The following SNX29 variants were observed in gnomAD, a reference collection of about 807,000 sequenced individuals.
SNX29 encodes sorting nexin 29.
In SNX29, 78 loss-of-function variants were observed where a neutral mutation model predicts 102.1. That is an observed-to-expected ratio of 0.76 (90% CI 0.64 to 0.92). The LOEUF (loss-of-function observed/expected upper bound fraction) is 0.92. Ranked by LOEUF, SNX29 falls within the 40% of genes least tolerant of loss-of-function variation. The probability of loss-of-function intolerance (pLI) is 0.00; values close to 1 mark genes in which losing one functional copy is unlikely to be tolerated. For synonymous variants in SNX29, 580 were observed against 414.5 expected, an observed-to-expected ratio of 1.40 and a Z score of -4.85; for missense variants, 1,280 against 1,061.7, an observed-to-expected ratio of 1.21 and a Z score of -2.86.
intron 20 of SNX29, among the ~76,000 whole-genome samples, chr16:12,540,789 G>C (rs182304349): frequency 1.3e-5 from 2 of 152,186 alleles, no homozygotes; most frequent in African/African-American, 4.8e-5. Flanking sequence ...AGGTGCTTGA[G>C]GACTGCTCAA....
At chr16:12,012,307 G>C (rs1328443427) in intron 3 of SNX29, among the ~76,000 whole-genome samples, 2 of 150,362 alleles carry the variant, frequency 1.3e-5, no homozygotes, top group Admixed American at 6.7e-5. Context: ...GTGCATGAAT[G>C]AGTGTTGTTT....
chr16:12,441,935 C>T (rs774430106), intron 18 of SNX29, among the ~76,000 whole-genome samples: 1 of 152,128 alleles, frequency 6.6e-6, no homozygotes. Flanking sequence ...ATTAAAGACA[C>T]CTGCCATTAT....
intron 16 of SNX29, among the ~76,000 whole-genome samples, chr16:12,382,270 A>G (rs1456550078): frequency 6.6e-6 from 1 of 152,200 alleles, no homozygotes; most frequent in African/African-American, 2.4e-5. Flanking sequence ...AGCGAAGGTT[A>G]GAGAGGTCAG....
intron 13 of SNX29, among the ~76,000 whole-genome samples, chr16:12,195,394 G>A (rs1184847875): frequency 6.6e-6 from 1 of 152,214 alleles, no homozygotes; most frequent in African/African-American, 2.4e-5. Flanking sequence ...TTTCTTAGAA[G>A]TAGACTTGCT....
At chr16:12,442,730 A>G (rs530318049) in intron 18 of SNX29, among the ~76,000 whole-genome samples, 5 of 152,064 alleles carry the variant, frequency 3.3e-5, no homozygotes, top group East Asian at 1.9e-4. Context: ...AGCTGGGACT[A>G]TAGGCACTTG....
rs141899358 is a variant in SNX29, at chr16:12,526,082, C to T, written c.2318+1241C>T. ...ATCTTACCGTGATAGAAACACAAAA[C>T]GTAAAAATCCATAGAGAAGACCTGT... is the stretch of plus-strand genomic sequence containing the variant. On this transcript the variant is annotated intron_variant, in intron 20 of 20. Coordinates refer to ENST00000566228, the MANE Select transcript of SNX29 (RefSeq NM_032167.5). Among the ~76,000 whole-genome samples, 461 of 152,284 alleles carry T rather than the reference C, an allele frequency of 3.0e-3. 3 individuals are homozygous for T. The highest frequency in any genetic ancestry group is 0.01 in the African/African-American group (435 of 41,568).
rs549293704 is a variant in SNX29, at chr16:12,528,310, G to A, written c.2318+3469G>A. On this transcript the variant is annotated intron_variant, in intron 20 of 20. Coordinates refer to ENST00000566228, the MANE Select transcript of SNX29 (RefSeq NM_032167.5). ...TACCTCCGGTTCAAGTGATTTTCCC[G>A]CCTCAGCCTCTGAGTAGCTGGGATT... 6.6e-5 allele frequency among the ~76,000 whole-genome samples: 10 copies of A among 152,116 alleles called. No homozygotes were observed. In the East Asian group the frequency reaches 1.4e-3, roughly 21 times the overall value.
chr16:12,536,900 C>A (rs900713964), intron 20 of SNX29, among the ~76,000 whole-genome samples: 1 of 152,038 alleles, frequency 6.6e-6, no homozygotes, highest in Non-Finnish European at 1.5e-5. Flanking sequence ...CGCTTGAGCC[C>A]GGGAGGTGGA....
In SNX29 at chr16:12,259,444, G is replaced by A. The variant is rs1186615819; in HGVS notation, c.1679-18489G>A. Among the ~76,000 whole-genome samples the A allele has an allele frequency of 2.0e-5, 3 of 152,076 alleles. No individual in the cohort carries two copies. The East Asian group carries it at 5.8e-4, about 29-fold the overall frequency. On this transcript the variant is annotated intron_variant, in intron 14 of 20. Coordinates refer to ENST00000566228, the MANE Select transcript of SNX29 (RefSeq NM_032167.5). ...CCTGAGCAAGCCCTAGTTCTGCTGGGTGAGGGGGATGCTGGGATGTTTCTC... is the reference window on the plus strand; with the variant it reads ...CCTGAGCAAGCCCTAGTTCTGCTGGATGAGGGGGATGCTGGGATGTTTCTC...
chr16:12,385,059 A>T (rs985171745), intron 16 of SNX29, among the ~76,000 whole-genome samples: 6 of 152,238 alleles, frequency 3.9e-5, no homozygotes, highest in African/African-American at 1.4e-4. Context: ...AGTACTAGCT[A>T]CTTGGGAGGC....
rs139042137 is a variant in SNX29 at position 12,240,656 on chromosome 16, G to A, written c.1679-37277G>A. Among the ~76,000 whole-genome samples the A allele has an allele frequency of 3.7e-3, 517 of 140,278 alleles. 4 individuals are homozygous for A. Among genetic ancestry groups the A allele is most frequent in the African/African-American group, 0.013 (490 of 37,404 alleles). The allele number at this position is 140,278 out of a possible 152,430, so 92.0% of individuals were successfully genotyped here. A position where few individuals can be genotyped will look rare whatever the true frequency, so the allele number is the denominator to read the frequency against. Reference sequence around the variant, plus strand: ...CTGTCACCCAGGCTGGAGTGCAGCGGCATGATCTCAGCTTACTGCAACCTC... The same window carrying A: ...CTGTCACCCAGGCTGGAGTGCAGCGACATGATCTCAGCTTACTGCAACCTC... On this transcript the variant is annotated intron_variant, in intron 14 of 20. Transcript: ENST00000566228.
chr16:12,369,938 C>T (rs1438409982), intron 16 of SNX29, among the ~76,000 whole-genome samples: 1 of 152,076 alleles, frequency 6.6e-6, no homozygotes, highest in Non-Finnish European at 1.5e-5. Flanking sequence ...TCTTTGAGGC[C>T]AGGCACAGTG....
At chr16:12,189,763 T>G (rs535092445) in intron 13 of SNX29, among the ~76,000 whole-genome samples, 5 of 152,056 alleles carry the variant, frequency 3.3e-5, no homozygotes, top group Non-Finnish European at 7.4e-5. Context: ...TATCACTGTT[T>G]TGATGCCCGG....
chr16:12,112,625 C>T (rs537116111), intron 11 of SNX29, among the ~76,000 whole-genome samples: 1 of 152,298 alleles, frequency 6.6e-6, no homozygotes, highest in South Asian at 2.1e-4. Context: ...GTGGCTTTGT[C>T]TCGTGAGGTC....
chr16:12,088,808 A>G (rs974608425), intron 11 of SNX29, among the ~76,000 whole-genome samples: 1 of 151,916 alleles, frequency 6.6e-6, no homozygotes, highest in African/African-American at 2.4e-5. Flanking sequence ...AAAATTGGCC[A>G]GGTGCAGTGG....
In SNX29 at chr16:12,564,856, ATG is replaced by A. The variant is rs1451092130; in HGVS notation, c.2319-3649_2319-3648del. On this transcript the variant is annotated intron_variant, in intron 20 of 20. Coordinates refer to ENST00000566228, the MANE Select transcript of SNX29 (RefSeq NM_032167.5). ...CTGAAGTCGGCAGCTAACAAGGGCT[ATG>A]AGAGATGAGAATTTCACTCTGAGGA... Among the ~76,000 whole-genome samples the A allele has an allele frequency of 2.6e-5, 4 of 151,214 alleles. No individual in the cohort carries two copies. The East Asian group carries it at 7.8e-4, about 30-fold the overall frequency.
chr16:12,299,404 A>ATG (rs1014371924), intron 15 of SNX29, among the ~76,000 whole-genome samples: 1 of 152,204 alleles, frequency 6.6e-6, no homozygotes, highest in African/African-American at 2.4e-5. Context: ...TCTTCAGCCC[A>ATG]TGGACGGTGT....
chr16:12,568,376 G>A, intron 20 of SNX29, 130 bp from the exon 21 acceptor site: 2 of 1,235,532 alleles, frequency 1.6e-6, no homozygotes, highest in Non-Finnish European at 2.2e-6. Flanking sequence ...CCAGTTAGAG[G>A]CAGATCCAAT....
intron 14 of SNX29, among the ~76,000 whole-genome samples, chr16:12,237,762 G>C (rs528632556): frequency 4.4e-4 from 66 of 150,728 alleles, no homozygotes; most frequent in African/African-American, 1.5e-3. Context: ...ACAAAAATTA[G>C]TGGGAAGTGG....
Sources: gnomAD v4.1 joint callset for allele counts (sites outside exome capture counted in the v4.1 genomes callset) on GRCh38, gnomAD v4.1.1 for gene constraint, MANE v1.5 for transcripts, NCBI Gene and HGNC (gene_info 2026-07-23, HGNC 2026-07-21) for gene names.